MAST4: variants seen among roughly 807,000 people sequenced by gnomAD.
MAST4 encodes microtubule-associated serine/threonine-protein kinase 4.
In MAST4, 89 loss-of-function variants were observed where a neutral mutation model predicts 162.7. That is an observed-to-expected ratio of 0.55 (90% CI 0.46 to 0.65). The LOEUF is 0.65. MAST4 is among the 30% of genes least tolerant of loss of function. The probability of loss-of-function intolerance (pLI) is 0.00; values close to 1 mark genes in which losing one functional copy is unlikely to be tolerated. For missense variants in MAST4, 3,153 were observed against 3,374.0 expected, an observed-to-expected ratio of 0.93 and a Z score of 1.62; for synonymous variants, 1,479 against 1,361.1, an observed-to-expected ratio of 1.09 and a Z score of -1.91.
chr5:66,644,305 A>C (rs7716415), intron 1 of MAST4, among the ~76,000 whole-genome samples: 3,823 of 152,274 alleles, frequency 0.025, 168 homozygotes, highest in African/African-American at 0.088. Context: ...AGGGATATTT[A>C]GGAGATTATT....
intron 1 of MAST4, among the ~76,000 whole-genome samples, chr5:66,704,513 T>TTTTTC (rs1749996176): frequency 6.7e-6 from 1 of 148,360 alleles, no homozygotes; most frequent in African/African-American, 2.5e-5. Flanking sequence ...TTTTTTTTTT[T>TTTTTC]TGAGACGGAG....
chr5:66,868,483 ATC>A (rs1760695193), intron 3 of MAST4, among the ~76,000 whole-genome samples: 4 of 141,220 alleles, frequency 2.8e-5, no homozygotes, highest in African/African-American at 1.1e-4. Context: ...GCAAATAACC[ATC>A]ACAAACTTTT....
At chr5:66,614,810 A>G (rs1312165695) in intron 1 of MAST4, among the ~76,000 whole-genome samples, 1 of 152,050 alleles carries the variant, frequency 6.6e-6, no homozygotes, top group Non-Finnish European at 1.5e-5. Flanking sequence ...GCAGGGAGAG[A>G]TCTATAGTTC....
At chr5:66,923,666 G>A (rs1168899695) in intron 4 of MAST4, among the ~76,000 whole-genome samples, 1 of 152,106 alleles carries the variant, frequency 6.6e-6, no homozygotes, top group Non-Finnish European at 1.5e-5. Context: ...CTTCTTCTCA[G>A]TATAGTCTAA....
chr5:66,688,522 C>T (rs544474094), intron 1 of MAST4, among the ~76,000 whole-genome samples: 1 of 152,248 alleles, frequency 6.6e-6, no homozygotes, highest in South Asian at 2.1e-4. Flanking sequence ...GTGACTGGGA[C>T]CCTGACCTAT....
intron 14 of MAST4, among the ~76,000 whole-genome samples, chr5:67,129,736 G>T (rs148419304): frequency 1.7e-3 from 2 of 1,150 alleles, no homozygotes; most frequent in Non-Finnish European, 4.0e-3. Flanking sequence ...AAAAAAAAAA[G>T]AAAAAGGAAA....
chr5:66,749,641 C>T (rs1478812937), intron 1 of MAST4, among the ~76,000 whole-genome samples: 2 of 152,196 alleles, frequency 1.3e-5, no homozygotes, highest in African/African-American at 4.8e-5. Context: ...ATTCATGGTG[C>T]ACTTCCTTTG....
chr5:67,148,345 G>A (rs559153919), intron 23 of MAST4, among the ~76,000 whole-genome samples: 6 of 152,248 alleles, frequency 3.9e-5, no homozygotes, highest in South Asian at 4.1e-4. Context: ...AGAAAAACAC[G>A]ATAGAAAACC....
intron 4 of MAST4, among the ~76,000 whole-genome samples, chr5:66,900,640 G>T (rs1762950495): frequency 6.6e-6 from 1 of 152,076 alleles, no homozygotes; most frequent in South Asian, 2.1e-4. Flanking sequence ...CAATAGTACT[G>T]TGTAAGGGCT....
At chr5:66,699,362 T>A (rs1332657848) in intron 1 of MAST4, among the ~76,000 whole-genome samples, 3 of 152,212 alleles carry the variant, frequency 2.0e-5, no homozygotes, top group Non-Finnish European at 4.4e-5. Flanking sequence ...CACATTGCCC[T>A]ATTTTATTTT....
chr5:66,983,322 C>T (rs1251739529), intron 4 of MAST4, among the ~76,000 whole-genome samples: 1 of 152,198 alleles, frequency 6.6e-6, no homozygotes, highest in Non-Finnish European at 1.5e-5. Context: ...TCCATGATGA[C>T]AGACGGCCAT....
intron 3 of MAST4, among the ~76,000 whole-genome samples, chr5:66,833,630 A>C (rs897142432): frequency 6.6e-6 from 1 of 152,162 alleles, no homozygotes; most frequent in Non-Finnish European, 1.5e-5. Flanking sequence ...GTTTACCTAC[A>C]ATATCCTTTC....
chr5:67,086,367 A>C (rs1763231403), intron 5 of MAST4, among the ~76,000 whole-genome samples: 1 of 152,254 alleles, frequency 6.6e-6, no homozygotes, highest in African/African-American at 2.4e-5. Flanking sequence ...CTAATTACAA[A>C]GCAATCAAAC....
intron 14 of MAST4, among the ~76,000 whole-genome samples, chr5:67,124,031 G>A (rs985883281): frequency 6.6e-5 from 10 of 152,124 alleles, no homozygotes; most frequent in Admixed American, 2.0e-4. Flanking sequence ...TTTTATACAC[G>A]CTAGACATTC....
At chr5:66,859,846 G>A (rs1396718872) in intron 3 of MAST4, among the ~76,000 whole-genome samples, 1 of 152,196 alleles carries the variant, frequency 6.6e-6, no homozygotes, top group African/African-American at 2.4e-5. Flanking sequence ...CATCCTAAAA[G>A]TTAGGCAGGC....
intron 14 of MAST4, among the ~76,000 whole-genome samples, chr5:67,123,848 G>A (rs1767865526): frequency 6.6e-6 from 1 of 152,058 alleles, no homozygotes; most frequent in African/African-American, 2.4e-5. Flanking sequence ...CTGTGAAGGG[G>A]CCCAGGACAT....
intron 26 of MAST4, among the ~76,000 whole-genome samples, chr5:67,155,628 T>C (rs1029065384): frequency 1.3e-5 from 2 of 152,116 alleles, no homozygotes; most frequent in African/African-American, 2.4e-5. Flanking sequence ...GCTTCAGAAA[T>C]TTCCTTTCCA....
chr5:66,599,918 G>GAT (rs1554033795), intron 1 of MAST4, among the ~76,000 whole-genome samples: 1 of 149,974 alleles, frequency 6.7e-6, no homozygotes, highest in African/African-American at 2.4e-5. Context: ...TTTCTAAAGG[G>GAT]GTGTGTGTGT....
intron 4 of MAST4, among the ~76,000 whole-genome samples, chr5:67,021,652 T>G (rs1444160214): frequency 6.6e-6 from 1 of 152,124 alleles, no homozygotes; most frequent in African/African-American, 2.4e-5. Context: ...GCAGTTTTGA[T>G]TAGGGACACC....
Sources: gnomAD v4.1 joint callset for allele counts (sites outside exome capture counted in the v4.1 genomes callset) on GRCh38, gnomAD v4.1.1 for gene constraint, MANE v1.5 for transcripts, NCBI Gene and HGNC (gene_info 2026-07-23, HGNC 2026-07-21) for gene names.